The following PDE4B variants were observed in gnomAD, a reference collection of about 807,000 sequenced individuals.
PDE4B encodes phosphodiesterase 4B.
In PDE4B, 20 loss-of-function variants were observed where a neutral mutation model predicts 82.2. That is an observed-to-expected ratio of 0.24 (90% CI 0.17 to 0.35). PDE4B has a LOEUF of 0.35. Ranked by LOEUF, PDE4B falls within the 10% of genes least tolerant of loss-of-function variation. The pLI is 1.00. For missense variants in PDE4B, 655 were observed against 907.2 expected, an observed-to-expected ratio of 0.72 and a Z score of 3.57; for synonymous variants, 320 against 318.9, an observed-to-expected ratio of 1.00 and a Z score of -0.04.
intron 1 of PDE4B, among the ~76,000 whole-genome samples, chr1:65,885,026 C>T (rs1337100748): frequency 1.3e-5 from 2 of 152,248 alleles, no homozygotes; most frequent in Admixed American, 6.5e-5. Flanking sequence ...AAAAAACAAA[C>T]AACCCCATCA....
chr1:66,288,736 T>A (rs930561968), intron 7 of PDE4B, among the ~76,000 whole-genome samples: 1 of 152,042 alleles, frequency 6.6e-6, no homozygotes, highest in African/African-American at 2.4e-5. Flanking sequence ...GGAACAAAAT[T>A]GTACCTTAGT....
intron 3 of PDE4B, among the ~76,000 whole-genome samples, chr1:66,005,627 T>C (rs2100722633): frequency 6.6e-6 from 1 of 152,254 alleles, no homozygotes; most frequent in South Asian, 2.1e-4. Flanking sequence ...CTTAGTAACA[T>C]TGAAAAATAA....
intron 8 of PDE4B, among the ~76,000 whole-genome samples, chr1:66,334,685 A>G (rs1464849825): frequency 2.0e-5 from 3 of 152,272 alleles, no homozygotes; most frequent in African/African-American, 7.2e-5. Context: ...AATGATGCCC[A>G]ACTGACAGCT....
At chr1:66,060,316 A>G (rs1362883477) in intron 3 of PDE4B, among the ~76,000 whole-genome samples, 1 of 152,222 alleles carries the variant, frequency 6.6e-6, no homozygotes, top group African/African-American at 2.4e-5. Flanking sequence ...GGACCAAAAT[A>G]TCAAGGAGTT....
At chr1:66,189,236 C>T (rs1343345988) in intron 3 of PDE4B, among the ~76,000 whole-genome samples, 2 of 151,888 alleles carry the variant, frequency 1.3e-5, no homozygotes, top group African/African-American at 4.8e-5. Flanking sequence ...TTGTGGGTAA[C>T]CTGACCTTTC....
At chr1:66,193,221 T>C (rs1344591644) in intron 3 of PDE4B, among the ~76,000 whole-genome samples, 1 of 152,186 alleles carries the variant, frequency 6.6e-6, no homozygotes, top group Non-Finnish European at 1.5e-5. Context: ...ATTTTGAAAC[T>C]AATTTTTTAA....
chr1:66,233,590 C>T (rs1652164661), intron 3 of PDE4B, among the ~76,000 whole-genome samples: 1 of 152,224 alleles, frequency 6.6e-6, no homozygotes, highest in East Asian at 1.9e-4. Context: ...GCATTCGTAC[C>T]TGGTTCCTAA....
intron 3 of PDE4B, among the ~76,000 whole-genome samples, chr1:65,947,377 C>T (rs1022447154): frequency 2.0e-5 from 3 of 151,944 alleles, no homozygotes; most frequent in African/African-American, 2.4e-5. Flanking sequence ...AGGCTCGGCT[C>T]GTGTATTAAA....
At chr1:65,917,668 C>A (rs962448154) in intron 2 of PDE4B, among the ~76,000 whole-genome samples, 1 of 152,088 alleles carries the variant, frequency 6.6e-6, no homozygotes, top group Non-Finnish European at 1.5e-5. Flanking sequence ...TGTCTTCTCA[C>A]AAAGTGTATG....
At chr1:65,900,424 G>T (rs971939155) in intron 1 of PDE4B, among the ~76,000 whole-genome samples, 14 of 151,824 alleles carry the variant, frequency 9.2e-5, no homozygotes, top group Non-Finnish European at 4.4e-5. Flanking sequence ...GTTTGGGATT[G>T]CTTTCACTAT....
intron 7 of PDE4B, among the ~76,000 whole-genome samples, chr1:66,283,044 TTGAGTGCTTA>T (rs1336335201): frequency 6.6e-6 from 1 of 152,130 alleles, no homozygotes; most frequent in African/African-American, 2.4e-5. Flanking sequence ...CAAACATTCA[TTGAGTGCTTA>T]TGAGTGCTGG....
At chr1:66,237,634 A>G (rs1652562718) in intron 3 of PDE4B, among the ~76,000 whole-genome samples, 1 of 152,198 alleles carries the variant, frequency 6.6e-6, no homozygotes, top group Non-Finnish European at 1.5e-5. Context: ...ACCTGGGACA[A>G]GTTTTTACAT....
intron 3 of PDE4B, among the ~76,000 whole-genome samples, chr1:66,021,324 G>T (rs1653094428): frequency 6.6e-6 from 1 of 152,144 alleles, no homozygotes; most frequent in Non-Finnish European, 1.5e-5. Context: ...AGTTTAATTA[G>T]ATCCCGTTTG....
intron 3 of PDE4B, among the ~76,000 whole-genome samples, chr1:66,187,222 G>A (rs555553095): frequency 1.3e-5 from 2 of 151,914 alleles, no homozygotes; most frequent in African/African-American, 4.8e-5. Context: ...ATGTGCTGCT[G>A]GATTCAGTTT....
chr1:66,182,031 C>G (rs1647076496), intron 3 of PDE4B, among the ~76,000 whole-genome samples: 1 of 151,972 alleles, frequency 6.6e-6, no homozygotes, highest in African/African-American at 2.4e-5. Context: ...GCAAGAAAGA[C>G]CATTCCTCAA....
intron 3 of PDE4B, among the ~76,000 whole-genome samples, chr1:65,933,391 C>A (rs1647945893): frequency 1.3e-5 from 2 of 151,840 alleles, no homozygotes; most frequent in Non-Finnish European, 2.9e-5. Flanking sequence ...GAGACTTTCC[C>A]AGACAAATAA....
intron 3 of PDE4B, among the ~76,000 whole-genome samples, chr1:66,019,497 A>C (rs1364412355): frequency 2.0e-5 from 3 of 151,744 alleles, no homozygotes; most frequent in African/African-American, 7.3e-5. Context: ...CTGGGACTAC[A>C]GGTGTGCATT....
chr1:66,225,480 T>C (rs774566668), intron 3 of PDE4B, among the ~76,000 whole-genome samples: 19 of 152,250 alleles, frequency 1.2e-4, no homozygotes, highest in Admixed American at 5.9e-4. Flanking sequence ...TATGAGCTCC[T>C]TGACCTTCAT....
At chr1:66,076,525 G>T (rs941530253) in intron 3 of PDE4B, among the ~76,000 whole-genome samples, 13 of 151,806 alleles carry the variant, frequency 8.6e-5, no homozygotes, top group Non-Finnish European at 1.5e-5. Flanking sequence ...TTTTCCTTTG[G>T]GTATATACTC....
Sources: gnomAD v4.1 joint callset for allele counts (sites outside exome capture counted in the v4.1 genomes callset) on GRCh38, gnomAD v4.1.1 for gene constraint, MANE v1.5 for transcripts, NCBI Gene and HGNC (gene_info 2026-07-23, HGNC 2026-07-21) for gene names.